Variants in NEMP2 observed in about 807,000 individuals in gnomAD.
The protein encoded by NEMP2 is UPF0571 transmembrane protein.
In NEMP2, 53 loss-of-function variants were observed where a neutral mutation model predicts 54.2. The ratio of observed to expected loss-of-function variants is 0.98; its 90% CI spans 0.78 to 1.23. The LOEUF (loss-of-function observed/expected upper bound fraction) is 1.23, where lower values mean the gene tolerates loss of function less well. NEMP2 is among the 50% of genes most tolerant of loss of function. The pLI is 0.00. For missense variants in NEMP2, 455 were observed against 511.3 expected, an observed-to-expected ratio of 0.89 and a Z score of 1.06; for synonymous variants, 197 against 190.3, an observed-to-expected ratio of 1.04 and a Z score of -0.29.
the NEMP2 span, chr2:190,436,934 G>A: frequency 5.0e-6 from 8 of 1,614,080 alleles, no homozygotes; most frequent in Non-Finnish European, 1.7e-6. The surrounding 1 kb of genome is among the most constrained non-coding windows in gnomAD (Gnocchi z 5.3). Context: ...GAATTTTTCA[G>A]TGCCTCTTCT....
At chr2:190,482,682 T>C in the NEMP2 span, among the ~76,000 whole-genome samples, 1 of 152,008 alleles carries the variant, frequency 6.6e-6, no homozygotes, top group African/African-American at 2.4e-5. Context: ...CTTTTTTTCC[T>C]GCTCATACAT....
At chr2:190,566,645 G>A in the NEMP2 span, among the ~76,000 whole-genome samples, 1 of 149,798 alleles carries the variant, frequency 6.7e-6, no homozygotes, top group Non-Finnish European at 1.5e-5. Flanking sequence ...GGAAGGGAGG[G>A]GAGGGGAGGG....
chr2:190,526,872 T>C (rs1426264089), intron 1 of NEMP2, among the ~76,000 whole-genome samples: 2 of 152,156 alleles, frequency 1.3e-5, no homozygotes, highest in African/African-American at 4.8e-5. Context: ...ATGCTATATA[T>C]AATGTATAAT....
At chr2:190,562,616 C>A in the NEMP2 span, among the ~76,000 whole-genome samples, 1 of 152,114 alleles carries the variant, frequency 6.6e-6, no homozygotes, top group African/African-American at 2.4e-5. The surrounding 1 kb of genome is among the most constrained non-coding windows in gnomAD (Gnocchi z 5.0). Flanking sequence ...ATTCATTCTG[C>A]AAAATATGGG....
In NEMP2 at chr2:190,519,981, G is replaced by A. The variant is rs1297047472; in HGVS notation, c.214-798C>T. Among the ~76,000 whole-genome samples, 1 of 151,932 alleles carries A rather than the reference G, an allele frequency of 6.6e-6. No individual in the cohort carries two copies. The highest frequency in any genetic ancestry group is 2.4e-5 in the African/African-American group (1 of 41,378). On this transcript the variant is annotated intron_variant, in intron 2 of 8. Coordinates refer to ENST00000409150, the MANE Select transcript of NEMP2 (RefSeq NM_001142645.2). This position sits in a 1 kb window ranked among gnomAD's most constrained non-coding sequence, Gnocchi z 5.4. ...GTATTTCTTAAATTAAGGTATGTAGGGTTTTTTTAAAGATATAATTCTATT... is the reference window on the plus strand; with the variant it reads ...GTATTTCTTAAATTAAGGTATGTAGAGTTTTTTTAAAGATATAATTCTATT...
the NEMP2 span, chr2:190,436,762 A>T: frequency 1.2e-6 from 2 of 1,614,220 alleles, no homozygotes; most frequent in Middle Eastern, 1.6e-4. This position sits in a 1 kb window ranked among gnomAD's most constrained non-coding sequence, Gnocchi z 5.3. Flanking sequence ...TTTGAACTCA[A>T]GCACAGCAAC....
chr2:190,619,877 G>A, the NEMP2 span, among the ~76,000 whole-genome samples: 1 of 152,146 alleles, frequency 6.6e-6, no homozygotes, highest in East Asian at 1.9e-4. The surrounding 1 kb of genome is among the most constrained non-coding windows in gnomAD (Gnocchi z 5.5). Context: ...TTGGAGAATG[G>A]TCTCCAAAGC....
chr2:190,618,249 T>C, the NEMP2 span, among the ~76,000 whole-genome samples: 911 of 152,318 alleles, frequency 6.0e-3, 12 homozygotes, highest in African/African-American at 0.021. Flanking sequence ...AATCAAGTCT[T>C]ATCTTCCTTT....
the NEMP2 span, among the ~76,000 whole-genome samples, chr2:190,429,866 C>CTT: frequency 5.8e-4 from 88 of 151,472 alleles, no homozygotes; most frequent in African/African-American, 2.0e-3. Context: ...CTTTATTATA[C>CTT]TTTAAGTTCT....
At position 190,519,653 on chromosome 2, in the gene NEMP2, G is replaced by C. The variant is rs976720801; in HGVS notation, c.214-470C>G. On this transcript the variant is annotated intron_variant, in intron 2 of 8. Transcript: ENST00000409150. This position sits in a 1 kb window ranked among gnomAD's most constrained non-coding sequence, Gnocchi z 5.4. Reference sequence around the variant, plus strand: ...TCCCAGAGGTGGACTCAAGAGATCTGTATTTAGTCCAAACACACGCTGAAC... The same window carrying C: ...TCCCAGAGGTGGACTCAAGAGATCTCTATTTAGTCCAAACACACGCTGAAC... Among the ~76,000 whole-genome samples the C allele has an allele frequency of 6.6e-6, 1 of 152,224 alleles. No homozygotes were observed. The highest frequency in any genetic ancestry group is 1.5e-5 in the Non-Finnish European group (1 of 68,044).
At chr2:190,553,269 G>C in the NEMP2 span, 1 of 151,860 alleles carries the variant, frequency 6.6e-6, no homozygotes. Flanking sequence ...ATTGAACTTA[G>C]AGAACTCAAA....
In NEMP2 at chr2:190,518,737, G is replaced by T; in HGVS notation, c.517C>A (p.Gln173Lys). The T allele has an allele frequency of 1.3e-6, 2 of 1,534,056 alleles. No individual in the cohort carries two copies. Among genetic ancestry groups the T allele is most frequent in the South Asian group, 2.5e-5 (2 of 79,422 alleles). ...FLFFYARTLS[Q>K]SPTFYYSSGT... ...AAAAATATAAAAAGGAATACTTACT[G>T]ACTCAGGGTCCTTGCATAAAAGAAA... Residue 173 changes from glutamine to lysine, a missense_variant and splice_region_variant, in exon 4 of 9, where the codon CAA (glutamine) becomes AAA (lysine). Physicochemically the swap from Gln to Lys is moderately conservative, Grantham distance 53. Around this residue, in one of 3 missense-constraint regions of NEMP2, gnomAD observed 294 missense variants for 333.6 expected, o/e 0.88. Coordinates refer to ENST00000409150, the MANE Select transcript of NEMP2 (RefSeq NM_001142645.2).
At chr2:190,421,723 C>CT in the NEMP2 span, among the ~76,000 whole-genome samples, 2 of 132,742 alleles carry the variant, frequency 1.5e-5, no homozygotes, top group Non-Finnish European at 3.2e-5. Context: ...ACCTGGCTAA[C>CT]TTAAAAAAAA....
chr2:190,427,796 A>G, the NEMP2 span, among the ~76,000 whole-genome samples: 3 of 151,956 alleles, frequency 2.0e-5, no homozygotes, highest in African/African-American at 7.3e-5. Flanking sequence ...CAATGGCACA[A>G]TCTTGGCTCA....
chr2:190,581,913 T>C, the NEMP2 span, among the ~76,000 whole-genome samples: 1 of 152,170 alleles, frequency 6.6e-6, no homozygotes, highest in East Asian at 1.9e-4. Flanking sequence ...ATGGGAGTAT[T>C]TACACCACAA....
rs532759563 is a variant in NEMP2 at position 190,514,317 on chromosome 2, C to A, written c.953+136G>T. The A allele has an allele frequency of 2.3e-6, 2 of 860,448 alleles. No homozygotes were observed. The highest frequency in any genetic ancestry group is 1.7e-5 in the African/African-American group (1 of 59,630). 53.3% of individuals were successfully genotyped at this position (860,448 alleles called of 1,614,324 possible). A position where few individuals can be genotyped will look rare whatever the true frequency, so the allele number is the denominator to read the frequency against. On this transcript the variant is annotated intron_variant, in intron 7 of 8. Transcript: ENST00000409150. The surrounding 1 kb of genome is among the most constrained non-coding windows in gnomAD (Gnocchi z 5.7). ...TGCTTGGAGCTCTCTACCCCTACAC[C>A]CCCAATCTTGCTCAGAATGAAATCT...
At chr2:190,534,868 G>A, upstream of NEMP2, 1 of 385,782 alleles carries the variant, frequency 2.6e-6, no homozygotes, top group Non-Finnish European at 4.5e-6. Context: ...GCCCAGGCCG[G>A]AGGAGCTTTC....
chr2:190,646,174 T>C, the NEMP2 span, among the ~76,000 whole-genome samples: 2 of 152,264 alleles, frequency 1.3e-5, no homozygotes, highest in South Asian at 2.1e-4. Flanking sequence ...GTTAGCACAT[T>C]CTTACACCTG....
the NEMP2 span, among the ~76,000 whole-genome samples, chr2:190,460,183 C>T: frequency 6.6e-6 from 1 of 152,166 alleles, no homozygotes; most frequent in African/African-American, 2.4e-5. Flanking sequence ...TCCAAATAAA[C>T]AAACTGTAAT....
Sources: gnomAD v4.1 joint callset for allele counts (sites outside exome capture counted in the v4.1 genomes callset) on GRCh38, gnomAD v4.1.1 for gene constraint, gnomAD v4.1.1 regional missense constraint, Gnocchi (gnomAD v3.1) non-coding constraint, MANE v1.5 for transcripts, NCBI Gene and HGNC (gene_info 2026-07-23, HGNC 2026-07-21) for gene names.